Variants in KIF1C observed in about 807,000 individuals in gnomAD.
KIF1C encodes the protein kinesin family member 1C.
KIF1C carries 61 observed loss-of-function variants against 126.5 expected under a neutral mutation model. That is an observed-to-expected ratio of 0.48 (90% CI 0.39 to 0.60). The LOEUF (loss-of-function observed/expected upper bound fraction) is 0.60. Among genes scored for constraint, KIF1C ranks in the 20% least tolerant of loss-of-function variants. KIF1C has a pLI of 0.00. For synonymous variants in KIF1C, 640 were observed against 580.6 expected (o/e 1.10, Z -1.47); for missense variants, 1,315 against 1,489.2 (o/e 0.88, Z 1.93).
intron 18 of KIF1C, among the ~76,000 whole-genome samples, chr17:5,016,903 CAAAA>C (rs550926473): frequency 5.9e-5 from 5 of 84,952 alleles, no homozygotes; most frequent in Non-Finnish European, 1.2e-4. Flanking sequence ...GAGACTGTTT[CAAAA>C]AAAAAAAAAA....
At chr17:5,017,036 T>C (rs1974985734) in intron 18 of KIF1C, among the ~76,000 whole-genome samples, 1 of 152,202 alleles carries the variant, frequency 6.6e-6, no homozygotes, top group African/African-American at 2.4e-5. Context: ...TTGAAAGCTG[T>C]TGAATCAGTT....
At chr17:5,012,191 T>G (rs896773915) in intron 16 of KIF1C, 5 of 152,214 alleles carry the variant, frequency 3.3e-5, no homozygotes, top group African/African-American at 1.2e-4. Flanking sequence ...GCTTGACTCA[T>G]CTCTGTACCC....
Position 5,022,547 on chromosome 17 carries a change from G to C in KIF1C, c.2466G>C (p.Glu822Asp). 5 of 1,589,666 alleles carry C rather than the reference G, an allele frequency of 3.1e-6. No homozygotes were observed. The highest frequency in any genetic ancestry group is 4.3e-6 in the Non-Finnish European group (5 of 1,167,400). ...GAGCTGGCAGTGGTGGTGGCAGTGA[G>C]GAGGGAGCCCGAGGGGCGGAGGTGG... ...GGGAGSGGGS[E>D]EGARGAEVED... The change falls in exon 22 of 23, where the codon GAG becomes GAC. Residue 822 changes from glutamate to aspartate, a missense_variant. Glu to Asp is a conservative substitution (Grantham distance 45). Around this residue, in one of 2 missense-constraint regions of KIF1C, gnomAD observed 441 missense variants for 436.1 expected, o/e 1.01. Coordinates refer to ENST00000320785, the MANE Select transcript of KIF1C (RefSeq NM_006612.6). The surrounding 1 kb of genome is among the most constrained non-coding windows in gnomAD (Gnocchi z 4.9).
Position 5,001,202 on chromosome 17 carries a change from C to T in KIF1C, c.184-20C>T, listed in dbSNP as rs1010628770. ...ACATCCAGGGTTACTCTGTTTTTCT[C>T]TGCCCCCACTTTCTCCTAGACGGAG... On this transcript the variant is annotated intron_variant, in intron 4 of 22. Transcript: ENST00000320785. 1.2e-6 allele frequency: 2 copies of T among 1,612,472 alleles called. No individual in the cohort carries two copies. Among genetic ancestry groups the T allele is most frequent in the Non-Finnish European group, 1.7e-6 (2 of 1,179,002 alleles).
In KIF1C at chr17:5,022,652, G is replaced by A. The variant is rs764014508; in HGVS notation, c.2571G>A (p.Glu857=). 1 of 1,602,138 alleles carries A rather than the reference G, an allele frequency of 6.2e-7. No homozygotes were observed. Among genetic ancestry groups the A allele is most frequent in the Non-Finnish European group, 8.5e-7 (1 of 1,173,540 alleles). ...TGCAGAACAGCAGCAAGGACCGGGA[G>A]CTGCAGGCCCTGCGGGACCGCATGC... ...VKLQNSSKDR[E]LQALRDRMLR... Residue 857 remains glutamate (E), a synonymous_variant, in exon 22 of 23, where the codon GAG becomes GAA. Coordinates refer to ENST00000320785, the MANE Select transcript of KIF1C (RefSeq NM_006612.6). The surrounding 1 kb of genome is among the most constrained non-coding windows in gnomAD (Gnocchi z 4.9).
chr17:5,000,805 C>T lies in KIF1C; in HGVS notation c.140C>T (p.Pro47Leu), dbSNP rs1321412412. 1.2e-6 allele frequency: 2 copies of T among 1,614,050 alleles called. No homozygotes were observed. Among genetic ancestry groups the T allele is most frequent in the Admixed American group, 1.7e-5 (1 of 60,014 alleles). ...IINPKQSKDA[P>L]KSFTFDYSYW... ...AATCCTAAACAGAGCAAGGATGCCC[C>T]CAAAAGCTTCACCTTTGACTACTCC... Residue 47 changes from proline to leucine, a missense_variant, in exon 4 of 23, where the codon CCC (proline) becomes CTC (leucine). Coordinates refer to ENST00000320785, the MANE Select transcript of KIF1C (RefSeq NM_006612.6).
chr17:5,004,706 G>T (rs1476998335), intron 12 of KIF1C, 61 bp downstream of exon 12: 1 of 1,592,694 alleles, frequency 6.3e-7, no homozygotes, highest in Non-Finnish European at 8.6e-7. Flanking sequence ...GAGTTCAGAG[G>T]CGAGTTGCTC....
Position 5,020,157 on chromosome 17 carries a change from C to T in KIF1C, c.1750+78C>T, listed in dbSNP as rs573775601. Reference sequence around the variant, plus strand: ...GTCTCAAGGGAGGTCCTTCTGGGTGCATCCTAGAGGAGGACCCTGAAATAC... The same window carrying T: ...GTCTCAAGGGAGGTCCTTCTGGGTGTATCCTAGAGGAGGACCCTGAAATAC... On this transcript the variant is annotated intron_variant, in intron 19 of 22. Transcript: ENST00000320785. The surrounding 1 kb of genome is among the most constrained non-coding windows in gnomAD (Gnocchi z 5.8). 2.4e-4 allele frequency: 262 copies of T among 1,069,972 alleles called. No homozygotes were observed. The highest frequency in any genetic ancestry group is 3.4e-4 in the Non-Finnish European group (242 of 707,072). The allele number at this position is 1,069,972 out of a possible 1,614,324, so 66.3% of individuals were successfully genotyped here.
Position 4,999,657 on chromosome 17 carries a change from A to G in KIF1C, c.-148-193A>G, listed in dbSNP as rs142222509. Among the ~76,000 whole-genome samples the G allele has an allele frequency of 1.0e-3, 153 of 152,010 alleles. 3 individuals are homozygous for G. The highest frequency in any genetic ancestry group is 3.5e-3 in the African/African-American group (146 of 41,466). ...TGTCCTCTATCTGAACGTTCAGTAC[A>G]TTTGCGAGTGACAAGGAATAAAAAT... is the stretch of plus-strand genomic sequence containing the variant. On this transcript the variant is annotated intron_variant, in intron 1 of 22. Coordinates refer to ENST00000320785, the MANE Select transcript of KIF1C (RefSeq NM_006612.6).
At chr17:5,019,915 T>C in intron 18 of KIF1C, 81 bp from the exon 19 acceptor site, 1 of 1,140,692 alleles carries the variant, frequency 8.8e-7, no homozygotes, top group South Asian at 1.3e-5. Flanking sequence ...TTTTTTGGGG[T>C]AAGGCAAGGT....
In KIF1C at chr17:5,022,168, G is replaced by A. The variant is rs759229352; in HGVS notation, c.2087G>A (p.Arg696Gln). Residue 696 changes from arginine to glutamine, a missense_variant, in exon 22 of 23, where the codon CGG (arginine) becomes CAG (glutamine). By Grantham distance (43) the Arg-to-Gln change is conservative (BLOSUM62 1). Transcript: ENST00000320785. This position sits in a 1 kb window ranked among gnomAD's most constrained non-coding sequence, Gnocchi z 4.9. ...AGCTGGAGGCTCATCTCCTCCTTGC[G>A]GGAGCAGCTGCCGCCCACCACGGTC... ...EESWRLISSL[R>Q]EQLPPTTVQT... 1.4e-5 allele frequency: 23 copies of A among 1,613,996 alleles called. No homozygotes were observed. Among genetic ancestry groups the A allele is most frequent in the East Asian group, 2.2e-5 (1 of 44,878 alleles).
rs74985014 is a variant in KIF1C at position 5,004,090 on chromosome 17, C to A, written c.940+17C>A. ...AAAATTTGGGTGAGGGCCTCTTCCT[C>A]TTTCTCTGCCGACCCTGACACATCC... On this transcript the variant is annotated intron_variant, in intron 11 of 22. Coordinates refer to ENST00000320785, the MANE Select transcript of KIF1C (RefSeq NM_006612.6). 5.0e-4 allele frequency: 777 copies of A among 1,562,588 alleles called. 1 individual carries two copies. The Middle Eastern group carries it at 7.0e-3, about 14-fold the overall frequency.
intron 3 of KIF1C, among the ~76,000 whole-genome samples, 156 bp downstream of exon 3, chr17:5,000,508 C>A (rs562036207): frequency 6.6e-6 from 1 of 152,058 alleles, no homozygotes; most frequent in African/African-American, 2.4e-5. Flanking sequence ...TGGCCTTTCC[C>A]GTGTTCCCAG....
Position 5,002,538 on chromosome 17 carries a change from C to T in KIF1C, c.504C>T (p.Val168=), listed in dbSNP as rs1466143070. Residue 168 remains valine (V), a synonymous_variant, in exon 7 of 23, where the codon GTC becomes GTT. Coordinates refer to ENST00000320785, the MANE Select transcript of KIF1C (RefSeq NM_006612.6). The stretch of plus-strand genomic sequence containing the variant: ...CCAAGAGTCGGGGTTCTCTGCGGGT[C>T]CGGGAGCACCCCATCCTGGGCCCGT... ...LNPKSRGSLR[V]REHPILGPYV... is the part of the protein sequence containing the mutation. 1 of 1,613,978 alleles carries T rather than the reference C, an allele frequency of 6.2e-7. No individual in the cohort carries two copies. The highest frequency in any genetic ancestry group is 8.5e-7 in the Non-Finnish European group (1 of 1,179,916).
At chr17:5,008,362 C>T (rs1039259587) in intron 16 of KIF1C, among the ~76,000 whole-genome samples, 1 of 133,104 alleles carries the variant, frequency 7.5e-6, no homozygotes, top group Non-Finnish European at 1.7e-5. Context: ...GGTGCAGAGG[C>T]CAGTATACCA....
At chr17:5,012,627 A>G (rs1974890671) in intron 16 of KIF1C, among the ~76,000 whole-genome samples, 1 of 152,050 alleles carries the variant, frequency 6.6e-6, no homozygotes, top group South Asian at 2.1e-4. Context: ...AGACATGGCC[A>G]TAGCGAGGTG....
In KIF1C at chr17:5,002,566, G is replaced by T. The variant is rs372500741; in HGVS notation, c.532G>T (p.Val178Leu). The change falls in exon 7 of 23, where the codon GTG (valine) becomes TTG (leucine). Residue 178 changes from valine to leucine, a missense_variant. By Grantham distance (32) the Val-to-Leu change is conservative (BLOSUM62 1). Transcript: ENST00000320785. ...VREHPILGPY[V>L]QDLSKLAVTS... is the part of the protein sequence containing the mutation. ...GGAGCACCCCATCCTGGGCCCGTAC[G>T]TGCAGGACCTGTCCAAATTGGCTGT... is the stretch of plus-strand genomic sequence containing the variant. 3 of 1,614,062 alleles carry T rather than the reference G, an allele frequency of 1.9e-6. No homozygotes were observed. The South Asian group carries it at 3.3e-5, about 18-fold the overall frequency.
At chr17:5,008,983 C>T (rs908131638) in intron 16 of KIF1C, among the ~76,000 whole-genome samples, 4 of 152,034 alleles carry the variant, frequency 2.6e-5, no homozygotes, top group African/African-American at 9.7e-5. Flanking sequence ...CTGCCAAAGC[C>T]TGGGGACCAA....
chr17:5,002,852 C>CA lies in KIF1C; in HGVS notation c.720+10_720+11insA. 4.2e-6 allele frequency: 1 copy of CA among 236,072 alleles called. No individual in the cohort carries two copies. Among genetic ancestry groups the CA allele is most frequent in the Non-Finnish European group, 5.5e-6 (1 of 181,464 alleles). The allele number at this position is 236,072 out of a possible 1,614,324, so 14.6% of individuals were successfully genotyped here. Reference sequence around the variant, plus strand: ...GCTGGACTCGGAGAAGGTGGGATCGCCCCCCCCCCCACTCCCCCACCGGAT... The same window carrying CA: ...GCTGGACTCGGAGAAGGTGGGATCGCACCCCCCCCCCACTCCCCCACCGGAT... On this transcript the variant is annotated intron_variant, in intron 8 of 22. Coordinates refer to ENST00000320785, the MANE Select transcript of KIF1C (RefSeq NM_006612.6).
Sources: allele counts gnomAD v4.1 joint callset (sites outside exome capture counted in the v4.1 genomes callset), GRCh38; gene constraint gnomAD v4.1.1; regional missense constraint gnomAD v4.1.1; non-coding constraint Gnocchi (gnomAD v3.1); transcripts MANE v1.5; gene names NCBI Gene and HGNC (gene_info 2026-07-23, HGNC 2026-07-21).